The following FBXL2 variants were observed in gnomAD, a reference collection of about 807,000 sequenced individuals.
FBXL2 encodes F-box/LRR-repeat protein 2.
Under a neutral mutation model 69.2 loss-of-function variants are expected in FBXL2, and 38 were observed. That is an observed-to-expected ratio of 0.55 (90% confidence interval 0.42 to 0.72). The LOEUF is 0.72. FBXL2 is among the 30% of genes least tolerant of loss of function. The pLI, the probability that FBXL2 is intolerant of heterozygous loss-of-function variation, is 0.00. For synonymous variants in FBXL2, 192 were observed against 201.3 expected, an observed-to-expected ratio of 0.95 and a Z score of 0.39; for missense variants, 354 against 520.3, an observed-to-expected ratio of 0.68 and a Z score of 3.11.
chr3:33,311,236 T>A (rs1372204417), intron 2 of FBXL2, among the ~76,000 whole-genome samples: 1 of 152,206 alleles, frequency 6.6e-6, no homozygotes, highest in Admixed American at 6.5e-5. Context: ...ATCCTGTGTT[T>A]TGGTGTAGTC....
intron 2 of FBXL2, among the ~76,000 whole-genome samples, chr3:33,313,044 C>T (rs181698248): frequency 1.9e-3 from 288 of 151,510 alleles, no homozygotes; most frequent in African/African-American, 6.1e-3. Context: ...TGCTTGAACC[C>T]GGGAGGTGGA....
chr3:33,365,480 A>G (rs543106146), intron 5 of FBXL2, among the ~76,000 whole-genome samples: 64 of 152,106 alleles, frequency 4.2e-4, no homozygotes, highest in Non-Finnish European at 7.5e-4. Context: ...GGATTTCACC[A>G]TGTTGGCCAC....
At chr3:33,321,799 G>C (rs2038248904) in intron 2 of FBXL2, among the ~76,000 whole-genome samples, 1 of 152,156 alleles carries the variant, frequency 6.6e-6, no homozygotes, top group Non-Finnish European at 1.5e-5. Context: ...TTGTATTTGT[G>C]TATCTAAATG....
intron 2 of FBXL2, chr3:33,317,580 ATAT>A (rs1287905789): frequency 2.2e-6 from 1 of 453,170 alleles, no homozygotes; most frequent in Non-Finnish European, 4.4e-6. Flanking sequence ...TGCTAAACAG[ATAT>A]TATGAAGCCC....
At chr3:33,379,659 CA>C (rs1310256274) in intron 13 of FBXL2, among the ~76,000 whole-genome samples, 1 of 145,792 alleles carries the variant, frequency 6.9e-6, no homozygotes, top group African/African-American at 2.5e-5. Flanking sequence ...ACCCTGTTAT[CA>C]AAACCAAACA....
intron 9 of FBXL2, among the ~76,000 whole-genome samples, 200 bp from the exon 10 acceptor site, chr3:33,375,088 T>C (rs1465480344): frequency 2.0e-5 from 3 of 152,234 alleles, no homozygotes; most frequent in Admixed American, 1.3e-4. Context: ...ATGTATCTTA[T>C]CTAAATTGCT....
intron 2 of FBXL2, among the ~76,000 whole-genome samples, chr3:33,333,691 G>A (rs1315883106): frequency 6.6e-6 from 1 of 152,128 alleles, no homozygotes; most frequent in Non-Finnish European, 1.5e-5. Flanking sequence ...GTCTGACTTA[G>A]ACACTAAATC....
intron 1 of FBXL2, among the ~76,000 whole-genome samples, chr3:33,277,898 A>G (rs760351279): frequency 5.8e-4 from 88 of 152,330 alleles, no homozygotes; most frequent in Non-Finnish European, 1.2e-3. Flanking sequence ...ATTTATATTT[A>G]CACTAAAGCA....
At chr3:33,359,173 C>T in intron 3 of FBXL2, 110 bp from the exon 4 acceptor site, 1 of 993,926 alleles carries the variant, frequency 1.0e-6, no homozygotes, top group Non-Finnish European at 1.5e-6. Flanking sequence ...ACTTAATATA[C>T]ATCAAAAATA....
rs949986715 is a variant in FBXL2, at chr3:33,317,404, C to T, written c.65+19679C>T. On this transcript the variant is annotated intron_variant, in intron 2 of 14. Coordinates refer to ENST00000484457, the MANE Select transcript of FBXL2 (RefSeq NM_012157.5). The stretch of plus-strand genomic sequence containing the variant: ...GTCTGTGGGTGATATGCATTCCTCT[C>T]CATCAGATCTGGATGTGGTACTTAA... 1.3e-4 allele frequency: 57 copies of T among 454,254 alleles called. No homozygotes were observed. The Admixed American group carries it at 1.3e-3, about 11-fold the overall frequency. 28.1% of individuals were successfully genotyped at this position (454,254 alleles called of 1,614,324 possible). A position where few individuals can be genotyped will look rare whatever the true frequency, so the allele number is the denominator to read the frequency against.
intron 1 of FBXL2, among the ~76,000 whole-genome samples, chr3:33,295,308 C>G (rs569508248): frequency 2.0e-5 from 3 of 152,290 alleles, no homozygotes; most frequent in African/African-American, 7.2e-5. Context: ...ATGGATTTGC[C>G]TTTTCTGGAC....
chr3:33,378,847 T>C, intron 13 of FBXL2, 106 bp downstream of exon 13: 2 of 1,584,422 alleles, frequency 1.3e-6, no homozygotes, highest in East Asian at 2.3e-5. Context: ...ATCATCTCTC[T>C]TGATTTCAAA....
At chr3:33,289,993 A>G (rs1335467167) in intron 1 of FBXL2, among the ~76,000 whole-genome samples, 1 of 152,200 alleles carries the variant, frequency 6.6e-6, no homozygotes, top group Non-Finnish European at 1.5e-5. Context: ...TAGTCAGGGT[A>G]ACAGAGCAAA....
intron 11 of FBXL2, 53 bp downstream of exon 11, chr3:33,377,386 C>G: frequency 1.9e-6 from 3 of 1,567,036 alleles, no homozygotes; most frequent in Non-Finnish European, 2.6e-6. Context: ...CTCCCGAATT[C>G]AAAGTGACTT....
chr3:33,313,116 C>T (rs1394173171), intron 2 of FBXL2, among the ~76,000 whole-genome samples: 1 of 130,812 alleles, frequency 7.6e-6, no homozygotes, highest in African/African-American at 3.3e-5. Flanking sequence ...GAGACTCCGT[C>T]TCCAAGAAAA....
At chr3:33,397,205 C>A in intron 12 of FBXL2, 1 of 1,174,102 alleles carries the variant, frequency 8.5e-7, no homozygotes, top group South Asian at 1.5e-5. Context: ...AGGCATCTGT[C>A]TTCATGCAGT....
intron 2 of FBXL2, among the ~76,000 whole-genome samples, chr3:33,298,546 C>T (rs755453333): frequency 6.6e-5 from 10 of 151,724 alleles, no homozygotes; most frequent in Admixed American, 5.3e-4. Flanking sequence ...TGGTGGTGCA[C>T]GCCTGTAATC....
At chr3:33,373,733 G>A in intron 8 of FBXL2, 29 bp downstream of exon 8, 2 of 1,614,142 alleles carry the variant, frequency 1.2e-6, no homozygotes, top group Non-Finnish European at 1.7e-6. Flanking sequence ...AGCTGTTTGT[G>A]TTATGTGTCA....
At chr3:33,376,711 G>A (rs1196896564) in intron 10 of FBXL2, among the ~76,000 whole-genome samples, 12 of 152,166 alleles carry the variant, frequency 7.9e-5, no homozygotes, top group Non-Finnish European at 1.8e-4. Context: ...TGTTTAAAAA[G>A]TGAACAAGGC....
Sources: allele counts gnomAD v4.1 joint callset (sites outside exome capture counted in the v4.1 genomes callset), GRCh38; gene constraint gnomAD v4.1.1; transcripts MANE v1.5; gene names NCBI Gene and HGNC (gene_info 2026-07-23, HGNC 2026-07-21).